Variants in NLGN1 observed in about 807,000 individuals in gnomAD.
NLGN1 encodes neuroligin 1, also known as neuroligin-1.
NLGN1 carries 12 observed loss-of-function variants against 65.5 expected under a neutral mutation model. That is an observed-to-expected ratio of 0.18 (90% CI 0.12 to 0.30). The LOEUF (loss-of-function observed/expected upper bound fraction) is 0.30. NLGN1 is among the 10% of genes least tolerant of loss of function. NLGN1 has a pLI of 1.00. For missense variants in NLGN1, 750 were observed against 1,007.1 expected, an observed-to-expected ratio of 0.74 and a Z score of 3.46; for synonymous variants, 350 against 359.5, an observed-to-expected ratio of 0.97 and a Z score of 0.30.
At position 173,642,013 on chromosome 3, in the gene NLGN1, G is replaced by GCTCT. The variant is rs138192749; in HGVS notation, c.493+36945_493+36948dup. 3.6e-3 allele frequency among the ~76,000 whole-genome samples: 522 copies of GCTCT among 146,314 alleles called. 4 individuals carry two copies. Among genetic ancestry groups the GCTCT allele is most frequent in the East Asian group, 0.029 (142 of 4,974 alleles). On this transcript the variant is annotated intron_variant, in intron 3 of 6. Transcript: ENST00000457714. ...TTTATATAGATGCTTTCAGTGGACT[G>GCTCT]CTCTCTCTCTCTCTCTCTCTCTCTC...
intron 4 of NLGN1, among the ~76,000 whole-genome samples, chr3:174,158,031 CT>C (rs1725783249): frequency 6.6e-6 from 1 of 151,670 alleles, no homozygotes; most frequent in African/African-American, 2.4e-5. Context: ...TATTATGGAG[CT>C]TCTGGAGGGT....
At chr3:173,832,105 C>T (rs7630949) in intron 4 of NLGN1, among the ~76,000 whole-genome samples, 19,136 of 144,782 alleles carry the variant, frequency 0.13, 1,412 homozygotes, top group African/African-American at 0.21. Context: ...CACAGTTGCT[C>T]GCCTCCAAGC....
chr3:174,117,506 A>C (rs1716765089), intron 4 of NLGN1, among the ~76,000 whole-genome samples: 1 of 151,910 alleles, frequency 6.6e-6, no homozygotes, highest in South Asian at 2.1e-4. Flanking sequence ...CTGTAGTCCC[A>C]GCTACTCGGG....
At chr3:174,066,578 GT>G (rs1291194585) in intron 4 of NLGN1, among the ~76,000 whole-genome samples, 2 of 148,228 alleles carry the variant, frequency 1.3e-5, no homozygotes, top group African/African-American at 2.5e-5. Context: ...GTGTGTGTGT[GT>G]GTGTGTGTGT....
chr3:173,788,718 G>A (rs1371200195), intron 3 of NLGN1, among the ~76,000 whole-genome samples: 1 of 151,752 alleles, frequency 6.6e-6, no homozygotes, highest in African/African-American at 2.4e-5. Context: ...CTGCTGGAGA[G>A]GCTGAGGCAG....
intron 4 of NLGN1, among the ~76,000 whole-genome samples, chr3:173,935,531 C>G (rs1447553216): frequency 6.6e-6 from 1 of 150,602 alleles, no homozygotes; most frequent in Non-Finnish European, 1.5e-5. Context: ...ACAAAGTTAG[C>G]CAACTTCTAG....
intron 3 of NLGN1, among the ~76,000 whole-genome samples, chr3:173,667,482 G>A (rs1472647): frequency 0.41 from 62,194 of 151,964 alleles, 13,646 homozygotes; most frequent in African/African-American, 0.59. Flanking sequence ...CCATGTTACA[G>A]TGATGAAAAC....
intron 4 of NLGN1, among the ~76,000 whole-genome samples, chr3:174,267,122 C>A (rs1051858748): frequency 6.6e-6 from 1 of 152,178 alleles, no homozygotes; most frequent in Non-Finnish European, 1.5e-5. Flanking sequence ...AATTTGCTCA[C>A]AAACCTGTGT....
intron 2 of NLGN1, among the ~76,000 whole-genome samples, chr3:173,559,307 A>G: frequency 6.6e-6 from 1 of 152,210 alleles, no homozygotes; most frequent in Non-Finnish European, 1.5e-5. Flanking sequence ...ATCTACATAC[A>G]GTCTACCTAC....
Position 174,273,488 on chromosome 3 carries a change from A to G in NLGN1, c.647-1827A>G, listed in dbSNP as rs539962070. On this transcript the variant is annotated intron_variant, in intron 4 of 6. Transcript: ENST00000457714. The stretch of plus-strand genomic sequence containing the variant: ...TATACCAAAGTTCATGTGATAGCAA[A>G]TAGAGTTAAAAGAATTCCTGCCATG... Among the ~76,000 whole-genome samples, 227 of 151,850 alleles carry G rather than the reference A, an allele frequency of 1.5e-3. 1 individual carries two copies. Among genetic ancestry groups the G allele is most frequent in the African/African-American group, 5.3e-3 (221 of 41,518 alleles).
At chr3:174,112,840 A>G (rs1400310529) in intron 4 of NLGN1, among the ~76,000 whole-genome samples, 3 of 151,958 alleles carry the variant, frequency 2.0e-5, no homozygotes, top group East Asian at 3.9e-4. Flanking sequence ...ATTAGTATAT[A>G]GTAAGTACTC....
intron 3 of NLGN1, among the ~76,000 whole-genome samples, chr3:173,618,793 T>C (rs750775147): frequency 6.6e-6 from 1 of 152,104 alleles, no homozygotes; most frequent in Non-Finnish European, 1.5e-5. Flanking sequence ...AAGAATGTTA[T>C]TGACCTATAA....
At chr3:174,168,774 C>T (rs1278505808) in intron 4 of NLGN1, among the ~76,000 whole-genome samples, 3 of 152,162 alleles carry the variant, frequency 2.0e-5, no homozygotes, top group Admixed American at 6.6e-5. Flanking sequence ...CATCCACCTG[C>T]AGGTTCCCTG....
At chr3:174,122,084 C>A (rs1198749197) in intron 4 of NLGN1, among the ~76,000 whole-genome samples, 1 of 152,160 alleles carries the variant, frequency 6.6e-6, no homozygotes, top group African/African-American at 2.4e-5. Flanking sequence ...CTCCTTTGGA[C>A]TGGCTTTCAG....
At chr3:173,798,747 C>G (rs995732242) in intron 3 of NLGN1, among the ~76,000 whole-genome samples, 2 of 151,944 alleles carry the variant, frequency 1.3e-5, no homozygotes, top group Admixed American at 6.6e-5. Context: ...ACCTTGAAAC[C>G]GTGACCTTTC....
intron 4 of NLGN1, among the ~76,000 whole-genome samples, chr3:174,218,477 C>T (rs1738051140): frequency 6.6e-6 from 1 of 152,022 alleles, no homozygotes; most frequent in Non-Finnish European, 1.5e-5. Context: ...TATTCTTATT[C>T]TTTGCTTCTC....
chr3:173,662,932 C>T (rs1192499241), intron 3 of NLGN1, among the ~76,000 whole-genome samples: 1 of 151,978 alleles, frequency 6.6e-6, no homozygotes, highest in Non-Finnish European at 1.5e-5. Flanking sequence ...CATTAAAGTA[C>T]AGAGGAACTA....
chr3:173,889,903 G>A lies in NLGN1; in HGVS notation c.646+82071G>A, dbSNP rs75116880. Among the ~76,000 whole-genome samples, 166 of 152,192 alleles carry A rather than the reference G, an allele frequency of 1.1e-3. 1 individual carries two copies. In the East Asian group the frequency reaches 0.025, roughly 23 times the overall value. On this transcript the variant is annotated intron_variant, in intron 4 of 6. Coordinates refer to ENST00000457714, the Ensembl canonical transcript of NLGN1. ...AACGTTTAAATTCTTCAAGCTTACA[G>A]ACATAAGAAAGAATGCAATAAATTG... is the stretch of plus-strand genomic sequence containing the variant.
chr3:173,609,304 A>G (rs1057479303), intron 3 of NLGN1, among the ~76,000 whole-genome samples: 7 of 151,896 alleles, frequency 4.6e-5, no homozygotes, highest in African/African-American at 9.7e-5. Flanking sequence ...ATTTACCCCA[A>G]TTTGTATTGT....
Sources: gnomAD v4.1 joint callset for allele counts (sites outside exome capture counted in the v4.1 genomes callset) on GRCh38, gnomAD v4.1.1 for gene constraint, MANE v1.5 for transcripts, NCBI Gene and HGNC (gene_info 2026-07-23, HGNC 2026-07-21) for gene names.